The following PDE1C variants were observed in gnomAD, a reference collection of about 807,000 sequenced individuals.
PDE1C encodes dual specificity calcium/calmodulin-dependent 3',5'-cyclic nucleotide phosphodiesterase 1C.
Under a neutral mutation model 93.1 loss-of-function variants are expected in PDE1C, and 62 were observed. That is an observed-to-expected ratio of 0.67 (90% confidence interval 0.54 to 0.82). The LOEUF (loss-of-function observed/expected upper bound fraction) is 0.82. PDE1C is among the 40% of genes least tolerant of loss of function. The pLI is 0.00. For missense variants in PDE1C, 742 were observed against 884.6 expected (o/e 0.84, Z 2.04); for synonymous variants, 325 against 310.1 (o/e 1.05, Z -0.50).
At position 32,219,067 on chromosome 7, in the gene PDE1C, G is replaced by A. The variant is rs961188035; in HGVS notation, c.86-9528C>T. Among the ~76,000 whole-genome samples the A allele has an allele frequency of 6.6e-5, 10 of 152,310 alleles. No homozygotes were observed. The East Asian group carries it at 1.2e-3, about 18-fold the overall frequency. ...TATCAAGGTGTTTGGTGTTTCTGTG[G>A]AAATCATCAGGCCAAGCTACCAGGC... On this transcript the variant is annotated intron_variant, in intron 1 of 18. Coordinates refer to the PDE1C transcript ENST00000396193.
At chr7:31,937,362 C>T (rs1449258599) in intron 2 of PDE1C, among the ~76,000 whole-genome samples, 1 of 152,106 alleles carries the variant, frequency 6.6e-6, no homozygotes, top group African/African-American at 2.4e-5. Context: ...TGGTACTATA[C>T]CAGAGTCAGG....
chr7:32,388,356 G>A (rs1019599811), intron 1 of PDE1C, among the ~76,000 whole-genome samples: 15 of 152,130 alleles, frequency 9.9e-5, no homozygotes. Flanking sequence ...GGAGTCATCT[G>A]TCAATCCCTA....
At chr7:32,004,012 A>T (rs1414369040) in intron 2 of PDE1C, among the ~76,000 whole-genome samples, 4 of 151,814 alleles carry the variant, frequency 2.6e-5, no homozygotes, top group African/African-American at 9.7e-5. Flanking sequence ...ACTGTATGGA[A>T]TGTAACGTGG....
chr7:31,864,905 T>G, intron 7 of PDE1C, 37 bp downstream of exon 7: 1 of 1,600,472 alleles, frequency 6.2e-7, no homozygotes, highest in East Asian at 2.2e-5. Context: ...CATCCTTACA[T>G]CTTTTGGGGA....
At chr7:31,873,558 A>G (rs1796193794) in intron 5 of PDE1C, 150 bp from the exon 6 acceptor site, 2 of 607,020 alleles carry the variant, frequency 3.3e-6, no homozygotes, top group African/African-American at 1.9e-5. Context: ...ACTTTTTCCA[A>G]TCTGGCTAGT....
intron 3 of PDE1C, among the ~76,000 whole-genome samples, chr7:32,146,828 G>T (rs1800866336): frequency 6.6e-6 from 1 of 152,080 alleles, no homozygotes; most frequent in Admixed American, 6.6e-5. Context: ...AGAAAGTCAG[G>T]AAAGTTTACT....
chr7:32,071,462 C>T (rs944634602), upstream of PDE1C: 7 of 974,922 alleles, frequency 7.2e-6, no homozygotes, highest in African/African-American at 1.2e-4. Context: ...CTCGCGCTCT[C>T]TCTCCTCCCT....
At chr7:31,885,667 T>C (rs1392626838) in intron 2 of PDE1C, among the ~76,000 whole-genome samples, 1 of 152,204 alleles carries the variant, frequency 6.6e-6, no homozygotes, top group Non-Finnish European at 1.5e-5. Flanking sequence ...CTGTATTTTG[T>C]AATTTAAAAG....
At chr7:32,141,192 G>T (rs1454617197) in intron 3 of PDE1C, among the ~76,000 whole-genome samples, 2 of 152,180 alleles carry the variant, frequency 1.3e-5, no homozygotes, top group Non-Finnish European at 2.9e-5. Flanking sequence ...GGTTTCCAGT[G>T]AATAAGAGTA....
chr7:31,889,984 G>A (rs575526786), intron 2 of PDE1C, among the ~76,000 whole-genome samples: 24 of 149,210 alleles, frequency 1.6e-4, no homozygotes, highest in African/African-American at 4.7e-4. Flanking sequence ...AGGACATAGC[G>A]GATTTTTTTT....
At position 32,247,028 on chromosome 7, in the gene PDE1C, A is replaced by G. The variant is rs139277951; in HGVS notation, c.86-37489T>C. Among the ~76,000 whole-genome samples, 887 of 152,376 alleles carry G rather than the reference A, an allele frequency of 5.8e-3. 10 individuals carry two copies. Among genetic ancestry groups the G allele is most frequent in the African/African-American group, 0.02 (829 of 41,586 alleles). ...AGATCATCATAACCTTATAGGGTCAATACTGTAAGTACATAAATTAGTGCT... is the reference window on the plus strand; with the variant it reads ...AGATCATCATAACCTTATAGGGTCAGTACTGTAAGTACATAAATTAGTGCT... On this transcript the variant is annotated intron_variant, in intron 1 of 18. Coordinates refer to the PDE1C transcript ENST00000396193.
intron 17 of PDE1C, among the ~76,000 whole-genome samples, chr7:31,766,398 C>G (rs1351708309): frequency 6.8e-6 from 1 of 146,014 alleles, no homozygotes; most frequent in Non-Finnish European, 1.5e-5. Flanking sequence ...AAAAAAAAAT[C>G]TTTAATATAA....
At chr7:31,783,838 A>G (rs1783646755) in intron 16 of PDE1C, 1 of 152,202 alleles carries the variant, frequency 6.6e-6, no homozygotes, top group Non-Finnish European at 1.5e-5. Context: ...CCTGTGATGT[A>G]CAAATGCAAA....
chr7:31,896,147 T>G (rs560946999), intron 2 of PDE1C, among the ~76,000 whole-genome samples: 11 of 152,240 alleles, frequency 7.2e-5, no homozygotes, highest in African/African-American at 2.6e-4. Context: ...GGCCCTGCTA[T>G]ATGTACAGCA....
chr7:32,159,780 C>A lies in PDE1C; in HGVS notation c.308+10005G>T, dbSNP rs1801799117. Among the ~76,000 whole-genome samples, 7 of 152,064 alleles carry A rather than the reference C, an allele frequency of 4.6e-5. 1 individual carries two copies. The South Asian group carries it at 1.5e-3, about 32-fold the overall frequency. On this transcript the variant is annotated intron_variant, in intron 3 of 18. Coordinates refer to the PDE1C transcript ENST00000396193. ...CTTCTCTCTCTGGAGGGATATCCGCCCAAAAACCGGAAGCTCTACACCAAA... is the reference window on the plus strand; with the variant it reads ...CTTCTCTCTCTGGAGGGATATCCGCACAAAAACCGGAAGCTCTACACCAAA...
At chr7:31,739,190 G>A in the PDE1C span, among the ~76,000 whole-genome samples, 1 of 118,798 alleles carries the variant, frequency 8.4e-6, no homozygotes, top group African/African-American at 3.2e-5. Flanking sequence ...GACGTCAGCA[G>A]TAACTTTTAG....
chr7:32,337,953 C>T (rs10447642), intron 1 of PDE1C, among the ~76,000 whole-genome samples: 46,192 of 152,006 alleles, frequency 0.3, 8,070 homozygotes, highest in East Asian at 0.51. Context: ...TGGACTCTTA[C>T]CTTACACGCT....
chr7:31,652,571 A>T, the PDE1C span: 2 of 1,611,124 alleles, frequency 1.2e-6, no homozygotes, highest in Non-Finnish European at 1.7e-6. Flanking sequence ...ATCTGCATCA[A>T]TATAACTGGA....
chr7:31,878,972 A>T, intron 4 of PDE1C, 24 bp downstream of exon 4: 10 of 1,602,238 alleles, frequency 6.2e-6, no homozygotes, highest in Non-Finnish European at 8.5e-6. Context: ...TTAGTCACTA[A>T]ATGACAATGA....
Sources: allele counts gnomAD v4.1 joint callset (sites outside exome capture counted in the v4.1 genomes callset), GRCh38; gene constraint gnomAD v4.1.1; transcripts MANE v1.5; gene names NCBI Gene and HGNC (gene_info 2026-07-23, HGNC 2026-07-21).